DMD: variants seen among roughly 807,000 people sequenced by gnomAD.
The protein encoded by DMD is mutant dystrophin.
Under a neutral mutation model 330.1 loss-of-function variants are expected in DMD, and 63 were observed. The observed-to-expected ratio is 0.19, with a 90% CI of 0.16 to 0.24. DMD has a LOEUF of 0.24. Among genes scored for constraint, DMD ranks in the 10% least tolerant of loss-of-function variants. The probability of loss-of-function intolerance (pLI) is 1.00; values close to 1 mark genes in which losing one functional copy is unlikely to be tolerated. For missense variants in DMD, 3,344 were observed against 2,684.1 expected (o/e 1.25, Z -5.43); for synonymous variants, 1,223 against 959.8 (o/e 1.27, Z -5.07).
At chrX:32,975,611 G>C (rs373806032) in intron 2 of DMD, among the ~76,000 whole-genome samples, 2 of 110,683 alleles carry the variant, frequency 1.8e-5, no homozygotes, top group Non-Finnish European at 3.8e-5. Flanking sequence ...CTGAGAGGAC[G>C]ACAGCTAGGG....
chrX:32,275,313 T>A (rs1043569410), intron 43 of DMD, among the ~76,000 whole-genome samples: 13 of 112,182 alleles, frequency 1.2e-4, no homozygotes, highest in African/African-American at 4.2e-4. Flanking sequence ...AAGTTTATGA[T>A]GGTTTATTTC....
intron 62 of DMD, among the ~76,000 whole-genome samples, chrX:31,317,108 T>A (rs1358483028): frequency 8.9e-6 from 1 of 111,807 alleles, no homozygotes; most frequent in East Asian, 2.8e-4. Flanking sequence ...ATTCACAAAA[T>A]CAGAAAATGT....
intron 39 of DMD, among the ~76,000 whole-genome samples, chrX:32,345,474 C>T (rs2097760706): frequency 9.0e-6 from 1 of 110,609 alleles, no homozygotes; most frequent in Non-Finnish European, 1.9e-5. Context: ...TTCTTAAAGG[C>T]ATAATAAAGT....
At chrX:31,541,218 T>A (rs1005002713) in intron 55 of DMD, among the ~76,000 whole-genome samples, 6 of 112,104 alleles carry the variant, frequency 5.4e-5, no homozygotes, top group Admixed American at 9.5e-5. Flanking sequence ...AATATAAATT[T>A]AAAAATTGAC....
Position 32,630,412 on chromosome X carries a change from T to TTA in DMD, c.1331+13718_1331+13719dup, listed in dbSNP as rs754608420. Among the ~76,000 whole-genome samples, 312 of 110,752 alleles carry TTA rather than the reference T, an allele frequency of 2.8e-3. 1 individual carries two copies. The highest frequency in any genetic ancestry group is 1.0e-2 in the African/African-American group (304 of 30,431). The stretch of plus-strand genomic sequence containing the variant: ...GATTTTTAAATGCCCTGAGGTAGTC[T>TTA]TATTTATATTATATCTCCTTGGTGT... On this transcript the variant is annotated intron_variant, in intron 11 of 78. Transcript: ENST00000357033.
chrX:32,715,208 G>A (rs1209134591), intron 7 of DMD, among the ~76,000 whole-genome samples: 1 of 111,021 alleles, frequency 9.0e-6, no homozygotes, highest in Non-Finnish European at 1.9e-5. Context: ...GCCAGGCGTG[G>A]TGGCTCATGC....
intron 57 of DMD, among the ~76,000 whole-genome samples, chrX:31,489,313 G>A (rs1005099818): frequency 8.1e-5 from 9 of 111,341 alleles, no homozygotes; most frequent in African/African-American, 2.9e-4. Flanking sequence ...GCTAGTTTTT[G>A]GTAGAAACGT....
intron 2 of DMD, among the ~76,000 whole-genome samples, chrX:32,971,827 T>C (rs1343001677): frequency 1.8e-5 from 2 of 111,169 alleles, no homozygotes; most frequent in Admixed American, 9.6e-5. Flanking sequence ...TGAATTTGAC[T>C]GAATAGAAAG....
intron 7 of DMD, among the ~76,000 whole-genome samples, chrX:32,722,826 C>A (rs2066469228): frequency 9.0e-6 from 1 of 110,725 alleles, no homozygotes; most frequent in Non-Finnish European, 1.9e-5. Context: ...TAACATTTTT[C>A]TTGTGGAGTC....
intron 1 of DMD, among the ~76,000 whole-genome samples, chrX:33,253,549 A>T (rs1418018687): frequency 2.7e-5 from 3 of 111,746 alleles, no homozygotes; most frequent in Non-Finnish European, 5.7e-5. Flanking sequence ...ATTTTAATGT[A>T]CTGTAGACTG....
intron 1 of DMD, among the ~76,000 whole-genome samples, chrX:33,077,305 G>C (rs766898849): frequency 1.8e-5 from 2 of 111,737 alleles, no homozygotes; most frequent in Admixed American, 1.9e-4. Flanking sequence ...CCCAAAGTTA[G>C]TTCAGCCTAT....
intron 45 of DMD, among the ~76,000 whole-genome samples, chrX:31,941,044 C>A (rs1030684372): frequency 9.8e-5 from 11 of 111,787 alleles, no homozygotes; most frequent in African/African-American, 3.6e-4. Context: ...TTCTCCAATG[C>A]TACTTTAATA....
In DMD at chrX:32,877,325, A is replaced by G. The variant is rs747444075; in HGVS notation, c.94-27505T>C. Among the ~76,000 whole-genome samples the G allele has an allele frequency of 5.5e-3, 624 of 112,776 alleles. 1 individual carries two copies. Among genetic ancestry groups the G allele is most frequent in the Non-Finnish European group, 9.1e-3 (487 of 53,378 alleles). On this transcript the variant is annotated intron_variant, in intron 2 of 78. Coordinates refer to ENST00000357033, the MANE Select transcript of DMD (RefSeq NM_004006.3). Reference sequence around the variant, plus strand: ...ACAAGTCATTAAGTATACTCTTTGGAAAACTATTTTGTTCCGGAAAAATGT... The same window carrying G: ...ACAAGTCATTAAGTATACTCTTTGGGAAACTATTTTGTTCCGGAAAAATGT...
At chrX:32,578,561 C>G (rs2053314256) in intron 13 of DMD, among the ~76,000 whole-genome samples, 1 of 111,803 alleles carries the variant, frequency 8.9e-6, no homozygotes, top group African/African-American at 3.2e-5. Context: ...ATCTGAATTC[C>G]TTTGTTTGGT....
intron 60 of DMD, among the ~76,000 whole-genome samples, chrX:31,360,235 A>G (rs1368710158): frequency 8.9e-6 from 1 of 111,746 alleles, no homozygotes; most frequent in Non-Finnish European, 1.9e-5. Flanking sequence ...ATATTTTTTT[A>G]ATAATTATTT....
At position 32,514,137 on chromosome X, in the gene DMD, C is replaced by G. The variant is rs771572213; in HGVS notation, c.2292+3871G>C. Among the ~76,000 whole-genome samples the G allele has an allele frequency of 9.2e-5, 10 of 108,322 alleles. No individual in the cohort carries two copies. The Admixed American group carries it at 1.0e-3, about 11-fold the overall frequency. The allele number at this position is 108,322 out of a possible 115,157, so 94.1% of individuals were successfully genotyped here. A position where few individuals can be genotyped will look rare whatever the true frequency, so the allele number is the denominator to read the frequency against. On this transcript the variant is annotated intron_variant, in intron 18 of 78. Transcript: ENST00000357033. ...ATCTGGATATACAGCTGAATGGAACCAGGTGGCTTAATACATAGTCAGTGA... is the reference window on the plus strand; with the variant it reads ...ATCTGGATATACAGCTGAATGGAACGAGGTGGCTTAATACATAGTCAGTGA...
chrX:32,616,690 CTTTTTTTTT>C (rs1173392895), intron 11 of DMD, among the ~76,000 whole-genome samples: 4 of 60,225 alleles, frequency 6.6e-5, no homozygotes, highest in Admixed American at 2.2e-4. Flanking sequence ...GTTCTGGTTC[CTTTTTTTTT>C]TTTTTTTTTT....
chrX:31,876,541 G>A (rs776987132), intron 47 of DMD, among the ~76,000 whole-genome samples: 10 of 110,926 alleles, frequency 9.0e-5, no homozygotes, highest in African/African-American at 3.3e-4. Flanking sequence ...TATTGCTCAA[G>A]CTTACATGTA....
chrX:32,804,353 G>A (rs778134511), intron 7 of DMD, among the ~76,000 whole-genome samples: 2 of 112,267 alleles, frequency 1.8e-5, no homozygotes, highest in Non-Finnish European at 1.9e-5. Flanking sequence ...AAACAAAGTC[G>A]CTGGGAAGTT....
Sources: allele counts gnomAD v4.1 joint callset (sites outside exome capture counted in the v4.1 genomes callset), GRCh38; gene constraint gnomAD v4.1.1; transcripts MANE v1.5; gene names NCBI Gene and HGNC (gene_info 2026-07-23, HGNC 2026-07-21).